Variants in MAP6 observed in about 807,000 individuals in gnomAD.
MAP6 encodes the protein microtubule associated protein 6, also known as microtubule-associated protein 6.
Under a neutral mutation model 42.4 loss-of-function variants are expected in MAP6, and 26 were observed. That is an observed-to-expected ratio of 0.61 (90% confidence interval 0.45 to 0.85). The LOEUF (loss-of-function observed/expected upper bound fraction) is 0.85. Ranked by LOEUF, MAP6 falls within the 40% of genes least tolerant of loss-of-function variation. The pLI is 0.00. For missense variants in MAP6, 966 were observed against 1,099.0 expected, an observed-to-expected ratio of 0.88 and a Z score of 1.71; for synonymous variants, 418 against 443.8, an observed-to-expected ratio of 0.94 and a Z score of 0.73.
At chr11:75,631,760 AG>A (rs1943287356) in intron 1 of MAP6, among the ~76,000 whole-genome samples, 1 of 152,256 alleles carries the variant, frequency 6.6e-6, no homozygotes, top group South Asian at 2.1e-4. Flanking sequence ...GGGAATATCA[AG>A]GTCAGGTCTA....
chr11:75,619,849 G>A (rs1313848413), intron 1 of MAP6, among the ~76,000 whole-genome samples: 1 of 152,092 alleles, frequency 6.6e-6, no homozygotes, highest in African/African-American at 2.4e-5. Context: ...TCCAGTAATG[G>A]GATTGCTGGG....
intron 1 of MAP6, among the ~76,000 whole-genome samples, chr11:75,616,734 T>C (rs1262748773): frequency 1.3e-5 from 2 of 152,236 alleles, no homozygotes; most frequent in African/African-American, 2.4e-5. Flanking sequence ...AAGATCTATG[T>C]ATGTGTACAT....
At chr11:75,660,970 GA>G (rs1049351655) in intron 1 of MAP6, among the ~76,000 whole-genome samples, 24 of 142,468 alleles carry the variant, frequency 1.7e-4, no homozygotes, top group Admixed American at 3.5e-4. Context: ...GACTAATCCT[GA>G]AAAAAAAAAG....
chr11:75,653,027 A>AT (rs1284483861), intron 1 of MAP6, among the ~76,000 whole-genome samples: 2 of 151,566 alleles, frequency 1.3e-5, no homozygotes, highest in East Asian at 1.9e-4. Context: ...ATGATGCCTC[A>AT]TTTTTTTCTC....
chr11:75,646,726 G>C (rs920677410), intron 1 of MAP6, among the ~76,000 whole-genome samples: 9 of 151,980 alleles, frequency 5.9e-5, no homozygotes, highest in Non-Finnish European at 8.8e-5. Flanking sequence ...CTTGAACCCA[G>C]GAAGTGGAGG....
chr11:75,621,948 G>A (rs1293506963), intron 1 of MAP6, among the ~76,000 whole-genome samples: 1 of 151,952 alleles, frequency 6.6e-6, no homozygotes, highest in African/African-American at 2.4e-5. Flanking sequence ...GCTTGAACCC[G>A]GGAAGTGGAG....
At chr11:75,606,717 A>G (rs656064) in intron 2 of MAP6, among the ~76,000 whole-genome samples, 80,599 of 151,914 alleles carry the variant, frequency 0.53, 21,470 homozygotes, top group Middle Eastern at 0.64. Flanking sequence ...TAGGCTTTCC[A>G]CTGCCAGCAC....
Position 75,658,399 on chromosome 11 carries a change from C to CG in MAP6, c.905+9065_905+9066insC, listed in dbSNP as rs199978007. 5.8e-5 allele frequency among the ~76,000 whole-genome samples: 6 copies of CG among 104,098 alleles called. No individual in the cohort carries two copies. The East Asian group carries it at 1.4e-3, about 25-fold the overall frequency. 68.3% of individuals were successfully genotyped at this position (104,098 alleles called of 152,430 possible). On this transcript the variant is annotated intron_variant, in intron 1 of 3. Transcript: ENST00000304771. ...GCTCAGTGTATACCATTTCTCCACCCCCCCCGCCCCAGACAGCCAAAACAT... is the reference window on the plus strand; with the variant it reads ...GCTCAGTGTATACCATTTCTCCACCCGCCCCCGCCCCAGACAGCCAAAACAT...
At chr11:75,627,878 C>T (rs533134993) in intron 1 of MAP6, among the ~76,000 whole-genome samples, 2 of 152,268 alleles carry the variant, frequency 1.3e-5, no homozygotes. Context: ...GGCACTGAGA[C>T]AATACCAAAG....
At chr11:75,647,148 T>A (rs950726900) in intron 1 of MAP6, among the ~76,000 whole-genome samples, 10 of 151,736 alleles carry the variant, frequency 6.6e-5, no homozygotes, top group Admixed American at 3.3e-4. Context: ...GCCCAGCTAA[T>A]TTTTGTATTT....
intron 1 of MAP6, among the ~76,000 whole-genome samples, chr11:75,614,105 C>T (rs1423617740): frequency 6.6e-6 from 1 of 152,148 alleles, no homozygotes; most frequent in Non-Finnish European, 1.5e-5. Context: ...CTATATTTTA[C>T]CTCAAGCTAC....
chr11:75,646,985 C>CTT (rs34840251), intron 1 of MAP6, among the ~76,000 whole-genome samples: 15,195 of 146,412 alleles, frequency 0.1, 965 homozygotes, highest in Admixed American at 0.18. Flanking sequence ...TAATTTGAAA[C>CTT]TTTTTTTTTT....
intron 3 of MAP6, among the ~76,000 whole-genome samples, chr11:75,595,350 A>G (rs1942560022): frequency 6.6e-6 from 1 of 152,156 alleles, no homozygotes; most frequent in African/African-American, 2.4e-5. Flanking sequence ...TGAAGGGGGC[A>G]GCAACTGGGT....
At chr11:75,657,279 T>G (rs1460006076) in intron 1 of MAP6, among the ~76,000 whole-genome samples, 2 of 151,968 alleles carry the variant, frequency 1.3e-5, no homozygotes, top group African/African-American at 4.8e-5. Flanking sequence ...CCCAGCTAAT[T>G]TTTTATATTT....
chr11:75,612,180 T>A (rs1211784683), intron 1 of MAP6, among the ~76,000 whole-genome samples: 1 of 152,266 alleles, frequency 6.6e-6, no homozygotes, highest in South Asian at 2.1e-4. Context: ...CAGAAATTCA[T>A]GGTCCCCTGT....
intron 1 of MAP6, among the ~76,000 whole-genome samples, chr11:75,652,057 T>A (rs967220745): frequency 6.6e-6 from 1 of 152,220 alleles, no homozygotes; most frequent in Non-Finnish European, 1.5e-5. Flanking sequence ...CCAAAAAAAT[T>A]ATTCTCATTA....
chr11:75,624,199 A>G (rs897643460), intron 1 of MAP6, among the ~76,000 whole-genome samples: 7 of 152,226 alleles, frequency 4.6e-5, no homozygotes, highest in Non-Finnish European at 8.8e-5. Flanking sequence ...AGAAAATGTG[A>G]GACTTGTTTT....
At chr11:75,649,510 A>G (rs1484217398) in intron 1 of MAP6, among the ~76,000 whole-genome samples, 1 of 152,152 alleles carries the variant, frequency 6.6e-6, no homozygotes, top group Non-Finnish European at 1.5e-5. Flanking sequence ...TTAATACAAT[A>G]AAAGACTAGA....
At chr11:75,663,126 T>TAATTTTTTGTATTTTTAGTAC (rs1943885372) in intron 1 of MAP6, among the ~76,000 whole-genome samples, 2 of 151,944 alleles carry the variant, frequency 1.3e-5, no homozygotes, top group Admixed American at 1.3e-4. Context: ...CACGCCCGGC[T>TAATTTTTTGTATTTTTAGTAC]AATTTTTTGT....
Sources: gnomAD v4.1 joint callset for allele counts (sites outside exome capture counted in the v4.1 genomes callset) on GRCh38, gnomAD v4.1.1 for gene constraint, MANE v1.5 for transcripts, NCBI Gene and HGNC (gene_info 2026-07-23, HGNC 2026-07-21) for gene names.